Variants in C1QTNF3 observed in about 807,000 individuals in gnomAD.
C1QTNF3 encodes complement C1q tumor necrosis factor-related protein 3.
Under a neutral mutation model 32.6 loss-of-function variants are expected in C1QTNF3, and 26 were observed. The observed-to-expected ratio is 0.80, with a 90% CI of 0.58 to 1.11. The LOEUF (loss-of-function observed/expected upper bound fraction) is 1.11. Ranked by LOEUF, C1QTNF3 falls within the 50% of genes least tolerant of loss-of-function variation. The pLI is 0.00. For missense variants in C1QTNF3, 362 were observed against 398.2 expected (o/e 0.91, Z 0.77); for synonymous variants, 155 against 146.0 (o/e 1.06, Z -0.44).
the C1QTNF3 span, among the ~76,000 whole-genome samples, chr5:34,213,921 C>G: frequency 1.4e-5 from 2 of 145,674 alleles, no homozygotes; most frequent in African/African-American, 2.6e-5. Context: ...AAGCAATTCT[C>G]CCGCCTCAGC....
the C1QTNF3 span, among the ~76,000 whole-genome samples, chr5:34,178,259 T>A: frequency 6.6e-6 from 1 of 152,044 alleles, no homozygotes; most frequent in Non-Finnish European, 1.5e-5. Flanking sequence ...CCAGCCTGGG[T>A]GACAACTGAA....
chr5:34,128,089 G>C, the C1QTNF3 span, among the ~76,000 whole-genome samples: 112 of 152,316 alleles, frequency 7.4e-4, no homozygotes, highest in African/African-American at 2.3e-3. Flanking sequence ...TCGGTCCTCT[G>C]TGCAGCCTTG....
At chr5:34,236,948 T>G in the C1QTNF3 span, among the ~76,000 whole-genome samples, 1 of 152,150 alleles carries the variant, frequency 6.6e-6, no homozygotes, top group Non-Finnish European at 1.5e-5. Context: ...ATTTGAAAAG[T>G]AGTATTCAAT....
chr5:34,158,297 G>T, the C1QTNF3 span: 1 of 151,908 alleles, frequency 6.6e-6, no homozygotes, highest in African/African-American at 2.4e-5. Flanking sequence ...AGTAGAGTCG[G>T]GGTTTCACCA....
the C1QTNF3 span, among the ~76,000 whole-genome samples, chr5:34,134,662 G>A: frequency 2.0e-5 from 3 of 152,112 alleles, no homozygotes; most frequent in Non-Finnish European, 4.4e-5. Flanking sequence ...GGATTCCTAG[G>A]TATTTTCCTC....
chr5:34,207,072 G>C, the C1QTNF3 span, among the ~76,000 whole-genome samples: 2 of 151,974 alleles, frequency 1.3e-5, no homozygotes, highest in African/African-American at 4.8e-5. Context: ...CAAGGTATGG[G>C]CCTCAGAATA....
intron 1 of C1QTNF3, among the ~76,000 whole-genome samples, chr5:34,040,163 G>C (rs1018084954): frequency 8.5e-5 from 13 of 152,192 alleles, no homozygotes; most frequent in African/African-American, 3.1e-4. Flanking sequence ...ATTACATGTA[G>C]GTAGTTGCTA....
the C1QTNF3 span, among the ~76,000 whole-genome samples, chr5:34,107,223 A>AC: frequency 7.8e-6 from 1 of 128,180 alleles, no homozygotes; most frequent in Non-Finnish European, 1.6e-5. Context: ...CAGTATTCCT[A>AC]CCCCATAATG....
chr5:34,217,193 C>T, the C1QTNF3 span, among the ~76,000 whole-genome samples: 1 of 152,064 alleles, frequency 6.6e-6, no homozygotes, highest in African/African-American at 2.4e-5. Flanking sequence ...TTAATATTAA[C>T]TTGATGAATA....
At chr5:34,176,097 T>TAA in the C1QTNF3 span, 40 of 541,828 alleles carry the variant, frequency 7.4e-5, no homozygotes, top group African/African-American at 5.5e-4. Flanking sequence ...GATGCTAGGG[T>TAA]AAAGACAGTC....
chr5:34,040,054 T>C (rs577782836), intron 1 of C1QTNF3, among the ~76,000 whole-genome samples: 2 of 152,344 alleles, frequency 1.3e-5, no homozygotes, highest in South Asian at 2.1e-4. Context: ...TTCAGTTGAA[T>C]GGAGCAATGC....
the C1QTNF3 span, among the ~76,000 whole-genome samples, chr5:34,101,885 ATTTAC>A: frequency 6.7e-6 from 1 of 148,426 alleles, no homozygotes; most frequent in African/African-American, 2.5e-5. Flanking sequence ...GTAACTCAAT[ATTTAC>A]TTTATTTCTT....
At chr5:34,057,507 T>C in the C1QTNF3 span, among the ~76,000 whole-genome samples, 1 of 152,234 alleles carries the variant, frequency 6.6e-6, no homozygotes, top group South Asian at 2.1e-4. Context: ...GAGGATCAAG[T>C]GTCTGGCTAT....
At chr5:34,068,900 T>C in the C1QTNF3 span, among the ~76,000 whole-genome samples, 1 of 152,122 alleles carries the variant, frequency 6.6e-6, no homozygotes, top group Non-Finnish European at 1.5e-5. Context: ...GTTATAGATA[T>C]CCATGCACAG....
the C1QTNF3 span, among the ~76,000 whole-genome samples, chr5:34,242,011 T>C: frequency 8.4e-5 from 9 of 107,512 alleles, no homozygotes; most frequent in Non-Finnish European, 1.9e-4. Flanking sequence ...GAAGGAAATT[T>C]TGATAACACA....
At chr5:34,139,120 T>C in the C1QTNF3 span, among the ~76,000 whole-genome samples, 119 of 152,136 alleles carry the variant, frequency 7.8e-4, no homozygotes, top group Non-Finnish European at 1.4e-3. Flanking sequence ...TTTCTATATA[T>C]GAAGGTATTC....
the C1QTNF3 span, among the ~76,000 whole-genome samples, chr5:34,051,925 G>A: frequency 5.3e-5 from 8 of 152,212 alleles, no homozygotes; most frequent in Non-Finnish European, 1.2e-4. Flanking sequence ...TGATGGCAGA[G>A]TCTCTGTCAG....
chr5:34,132,582 C>T, the C1QTNF3 span, among the ~76,000 whole-genome samples: 2 of 151,654 alleles, frequency 1.3e-5, 1 homozygote, highest in South Asian at 4.2e-4. Context: ...GACATAAATG[C>T]CTGTATACTT....
chr5:34,069,976 AT>A, the C1QTNF3 span, among the ~76,000 whole-genome samples: 12 of 152,184 alleles, frequency 7.9e-5, no homozygotes, highest in Non-Finnish European at 1.5e-5. Context: ...CTTTAAATTT[AT>A]TTCTTAATAT....
Sources: allele counts gnomAD v4.1 joint callset (sites outside exome capture counted in the v4.1 genomes callset), GRCh38; gene constraint gnomAD v4.1.1; transcripts MANE v1.5; gene names NCBI Gene and HGNC (gene_info 2026-07-23, HGNC 2026-07-21).